Variants in ADAMTS20 observed in about 807,000 individuals in gnomAD.
ADAMTS20 encodes the protein A disintegrin and metalloproteinase with thrombospondin motifs 20.
ADAMTS20 carries 225 observed loss-of-function variants against 260.1 expected under a neutral mutation model. The observed-to-expected ratio is 0.87, with a 90% CI of 0.78 to 0.97. ADAMTS20 has a LOEUF of 0.97. Among genes scored for constraint, ADAMTS20 ranks in the 50% least tolerant of loss-of-function variants. The pLI, the probability that ADAMTS20 is intolerant of heterozygous loss-of-function variation, is 0.00. For missense variants in ADAMTS20, 2,400 were observed against 2,337.7 expected, an observed-to-expected ratio of 1.03 and a Z score of -0.55; for synonymous variants, 802 against 769.5, an observed-to-expected ratio of 1.04 and a Z score of -0.70.
chr12:43,464,698 CT>C lies in ADAMTS20; in HGVS notation c.1401del (p.Asp468MetfsTer36), dbSNP rs761497736. The C allele has an allele frequency of 6.2e-7, 1 of 1,613,196 alleles. No individual in the cohort carries two copies. On this transcript the variant is annotated frameshift_variant, in exon 10 of 39. Coordinates refer to ENST00000389420, the MANE Select transcript of ADAMTS20 (RefSeq NM_025003.5). LOFTEE classifies it high-confidence loss of function. ...TGYGECLLDK[P>X]DEEIYNLPSE... ...GAAGGCAGATTATATATTTCTTCAT[CT>C]GGTTTGTCAAGAAGACATTCCCCGT...
chr12:43,353,651 A>G (rs1343436120), downstream of ADAMTS20, among the ~76,000 whole-genome samples: 1 of 152,076 alleles, frequency 6.6e-6, no homozygotes, highest in Non-Finnish European at 1.5e-5. Context: ...ACAAGCAAAA[A>G]TTAAAGAAAA....
At chr12:43,407,806 G>T (rs1226606756) in intron 28 of ADAMTS20, among the ~76,000 whole-genome samples, 1 of 152,144 alleles carries the variant, frequency 6.6e-6, no homozygotes, top group Non-Finnish European at 1.5e-5. Flanking sequence ...AATAGTAAAT[G>T]TAAGTCTAAC....
At chr12:43,422,509 A>G (rs1215130008) in intron 28 of ADAMTS20, among the ~76,000 whole-genome samples, 1 of 152,088 alleles carries the variant, frequency 6.6e-6, no homozygotes, top group Admixed American at 6.5e-5. Flanking sequence ...ATAAAAGTCT[A>G]ATTTAACAAA....
chr12:43,515,387 G>C (rs906188164), intron 3 of ADAMTS20, among the ~76,000 whole-genome samples: 2 of 151,974 alleles, frequency 1.3e-5, no homozygotes, highest in Admixed American at 1.3e-4. Flanking sequence ...ATGAATATTT[G>C]TTTAAAAAGT....
chr12:43,384,204 G>A (rs1049353761), intron 29 of ADAMTS20, among the ~76,000 whole-genome samples: 19 of 152,206 alleles, frequency 1.2e-4, no homozygotes, highest in Admixed American at 2.0e-4. Context: ...TCTGACAAGC[G>A]AATCAAGTTA....
chr12:43,551,076 C>A lies in ADAMTS20; in HGVS notation c.286G>T (p.Asp96Tyr). Residue 96 changes from aspartate to tyrosine, a missense_variant, in exon 2 of 39, where the codon GAT (aspartate) becomes TAT (tyrosine). Physicochemically the swap from Asp to Tyr is radical, Grantham distance 160. Coordinates refer to ENST00000389420, the MANE Select transcript of ADAMTS20 (RefSeq NM_025003.5). The surrounding 1 kb of genome is among the most constrained non-coding windows in gnomAD (Gnocchi z 4.6). ...TAGCCGGCGGCCAGAAAGGATGCATCGGCGGTCAGGTTCAGCTGGAAGAGC... is the reference window on the plus strand; with the variant it reads ...TAGCCGGCGGCCAGAAAGGATGCATAGGCGGTCAGGTTCAGCTGGAAGAGC... ...GQLFQLNLTA[D>Y]ASFLAAGYTE... The A allele has an allele frequency of 6.2e-7, 1 of 1,613,824 alleles. No homozygotes were observed. Among genetic ancestry groups the A allele is most frequent in the Non-Finnish European group, 8.5e-7 (1 of 1,179,842 alleles).
chr12:43,357,438 A>T (rs1939769053), intron 37 of ADAMTS20, among the ~76,000 whole-genome samples: 1 of 152,208 alleles, frequency 6.6e-6, no homozygotes, highest in African/African-American at 2.4e-5. Flanking sequence ...ATCTTGTCAT[A>T]AAAGCAAAAG....
chr12:43,503,486 A>G (rs907007516), intron 3 of ADAMTS20, among the ~76,000 whole-genome samples: 4 of 152,094 alleles, frequency 2.6e-5, no homozygotes, highest in Admixed American at 2.6e-4. Flanking sequence ...AAGAAACAGA[A>G]CACTTTAGAC....
At chr12:43,450,071 T>C (rs752602859) in intron 14 of ADAMTS20, among the ~76,000 whole-genome samples, 4 of 152,198 alleles carry the variant, frequency 2.6e-5, no homozygotes, top group Non-Finnish European at 5.9e-5. Flanking sequence ...GTTATTATTT[T>C]AACTCATGAC....
intron 28 of ADAMTS20, among the ~76,000 whole-genome samples, chr12:43,418,843 A>G (rs1565688478): frequency 6.6e-6 from 1 of 152,216 alleles, no homozygotes; most frequent in Non-Finnish European, 1.5e-5. Context: ...GCAAATTTCA[A>G]TCTTTTTCCA....
At chr12:43,376,410 ACT>A in intron 33 of ADAMTS20, 80 bp from the exon 34 acceptor site, 1 of 1,443,218 alleles carries the variant, frequency 6.9e-7, no homozygotes, top group Non-Finnish European at 9.4e-7. Flanking sequence ...ATATTGCTAC[ACT>A]CTGAATATCT....
At chr12:43,539,522 T>C (rs957420129) in intron 2 of ADAMTS20, among the ~76,000 whole-genome samples, 3 of 152,216 alleles carry the variant, frequency 2.0e-5, no homozygotes, top group Non-Finnish European at 4.4e-5. Context: ...TTTCTAGGGC[T>C]GATACCCTAC....
At chr12:43,469,243 C>T (rs954087918) in intron 7 of ADAMTS20, among the ~76,000 whole-genome samples, 5 of 151,826 alleles carry the variant, frequency 3.3e-5, no homozygotes, top group Non-Finnish European at 5.9e-5. Context: ...TAAAATAAAA[C>T]GAGTTTATAA....
rs1357286195 is a variant in ADAMTS20, at chr12:43,432,530, C to A, written c.2932-62G>T. 2.5e-6 allele frequency: 4 copies of A among 1,597,002 alleles called. No homozygotes were observed. The African/African-American group carries it at 4.1e-5, about 16-fold the overall frequency. On this transcript the variant is annotated intron_variant, in intron 20 of 38. Coordinates refer to ENST00000389420, the MANE Select transcript of ADAMTS20 (RefSeq NM_025003.5). ...AAATCAGATTTTCAACAAAATTATA[C>A]TTCAGAGTAACATAAATACGTAATT...
At chr12:43,403,381 A>T (rs2137258139) in intron 28 of ADAMTS20, among the ~76,000 whole-genome samples, 1 of 152,230 alleles carries the variant, frequency 6.6e-6, no homozygotes, top group South Asian at 2.1e-4. Flanking sequence ...AGGAAATGGA[A>T]GCCTTGTTTT....
At chr12:43,456,170 T>C (rs913188646) in intron 11 of ADAMTS20, among the ~76,000 whole-genome samples, 8 of 152,212 alleles carry the variant, frequency 5.3e-5, no homozygotes, top group East Asian at 1.9e-4. Flanking sequence ...ATAATTTTTA[T>C]TACTTTGTAC....
intron 7 of ADAMTS20, among the ~76,000 whole-genome samples, chr12:43,489,881 A>T (rs1343464382): frequency 2.0e-5 from 3 of 152,062 alleles, no homozygotes. Flanking sequence ...AAAATAAGCA[A>T]AAGTGATTTT....
At chr12:43,393,211 T>C (rs769327949) in intron 29 of ADAMTS20, among the ~76,000 whole-genome samples, 1 of 152,094 alleles carries the variant, frequency 6.6e-6, no homozygotes, top group Non-Finnish European at 1.5e-5. Context: ...AACTCCTTAA[T>C]ATGTATCCAT....
chr12:43,465,544 T>C (rs1942138678), intron 9 of ADAMTS20, among the ~76,000 whole-genome samples: 1 of 152,076 alleles, frequency 6.6e-6, no homozygotes, highest in Non-Finnish European at 1.5e-5. Flanking sequence ...CAACAATTTG[T>C]CCCACTGCAA....
Sources: gnomAD v4.1 joint callset for allele counts (sites outside exome capture counted in the v4.1 genomes callset) on GRCh38, gnomAD v4.1.1 for gene constraint, Gnocchi (gnomAD v3.1) non-coding constraint, MANE v1.5 for transcripts, NCBI Gene and HGNC (gene_info 2026-07-23, HGNC 2026-07-21) for gene names.